The following CPQ variants were observed in gnomAD, a reference collection of about 807,000 sequenced individuals.
The protein encoded by CPQ is carboxypeptidase Q.
CPQ carries 37 observed loss-of-function variants against 45.7 expected under a neutral mutation model. That is an observed-to-expected ratio of 0.81 (90% CI 0.62 to 1.07). CPQ has a LOEUF of 1.07. CPQ is among the 50% of genes least tolerant of loss of function. The pLI, the probability that CPQ is intolerant of heterozygous loss-of-function variation, is 0.00. For synonymous variants in CPQ, 186 were observed against 205.8 expected, an observed-to-expected ratio of 0.90 and a Z score of 0.82; for missense variants, 537 against 572.9, an observed-to-expected ratio of 0.94 and a Z score of 0.64.
At chr8:96,688,113 G>T (rs1358982416) in intron 1 of CPQ, among the ~76,000 whole-genome samples, 1 of 151,570 alleles carries the variant, frequency 6.6e-6, no homozygotes, top group Non-Finnish European at 1.5e-5. Flanking sequence ...TATTGATATT[G>T]CTTCTGTATT....
At chr8:96,877,586 G>A (rs908255429) in intron 3 of CPQ, among the ~76,000 whole-genome samples, 11 of 152,200 alleles carry the variant, frequency 7.2e-5, no homozygotes, top group Admixed American at 5.9e-4. Context: ...CTAGCTCAGT[G>A]GGAAAAATTA....
chr8:96,653,850 GA>G (rs1408871220), intron 1 of CPQ, among the ~76,000 whole-genome samples: 1 of 152,154 alleles, frequency 6.6e-6, no homozygotes, highest in East Asian at 1.9e-4. Flanking sequence ...GCGAGGAGGT[GA>G]AAGGCGAGGG....
Position 96,784,805 on chromosome 8 carries a change from A to T in CPQ, c.-34-59A>T. The stretch of plus-strand genomic sequence containing the variant: ...CTGCTTGAAAAGCAATCCCTGGGTT[A>T]TGGGCAGATAGCTGTGAGATTCTTT... On this transcript the variant is annotated intron_variant, in intron 1 of 7. Coordinates refer to ENST00000220763, the MANE Select transcript of CPQ (RefSeq NM_016134.4). The T allele has an allele frequency of 2.4e-6, 3 of 1,260,968 alleles. No homozygotes were observed. In the East Asian group the frequency reaches 7.2e-5, roughly 30 times the overall value. 78.1% of individuals were successfully genotyped at this position (1,260,968 alleles called of 1,614,324 possible). A position where few individuals can be genotyped will look rare whatever the true frequency, so the allele number is the denominator to read the frequency against.
At chr8:96,855,339 C>T (rs1378807455) in intron 3 of CPQ, among the ~76,000 whole-genome samples, 2 of 152,116 alleles carry the variant, frequency 1.3e-5, no homozygotes, top group African/African-American at 4.8e-5. Flanking sequence ...AGACAACAGG[C>T]AGCTGCTGAG....
intron 3 of CPQ, among the ~76,000 whole-genome samples, chr8:96,868,661 A>G (rs1318164311): frequency 6.6e-6 from 1 of 152,002 alleles, no homozygotes; most frequent in African/African-American, 2.4e-5. Context: ...TTCATAAGGA[A>G]AAAATCCTGT....
intron 7 of CPQ, among the ~76,000 whole-genome samples, chr8:97,104,358 C>T (rs902509782): frequency 1.3e-5 from 2 of 152,020 alleles, no homozygotes; most frequent in East Asian, 1.9e-4. Context: ...ACTATAATTT[C>T]GCTCTGGCTT....
At chr8:96,963,481 A>G (rs1245485357) in intron 4 of CPQ, among the ~76,000 whole-genome samples, 1 of 152,174 alleles carries the variant, frequency 6.6e-6, no homozygotes, top group Non-Finnish European at 1.5e-5. Context: ...CTGGGTCCGT[A>G]TGTAAGTCAG....
rs1563570842 is a variant in CPQ, at chr8:97,066,117, G to A, written c.1162G>A (p.Val388Ile). ...SEKARAIMEE[V>I]MSLLQPLNIT... ...AAAGGCCAGGGCCATCATGGAGGAG[G>A]TTATGAGCCTGCTGCAGCCCCTCAA... Residue 388 changes from valine to isoleucine, a missense_variant, in exon 7 of 8, where the codon GTT becomes ATT. Physicochemically the swap from Val to Ile is conservative, Grantham distance 29. Transcript: ENST00000220763. 2 of 1,612,366 alleles carry A rather than the reference G, an allele frequency of 1.2e-6. No individual in the cohort carries two copies.
intron 4 of CPQ, among the ~76,000 whole-genome samples, chr8:96,962,885 G>C (rs529335415): frequency 1.1e-4 from 17 of 151,312 alleles, no homozygotes; most frequent in Non-Finnish European, 2.4e-4. Flanking sequence ...CTATTTCATT[G>C]TTGCCCCAGT....
intron 1 of CPQ, among the ~76,000 whole-genome samples, chr8:96,669,632 G>A (rs1350702030): frequency 6.6e-6 from 1 of 152,066 alleles, no homozygotes; most frequent in Non-Finnish European, 1.5e-5. Context: ...ATAAAATTGT[G>A]GACAAGTTCT....
intron 7 of CPQ, among the ~76,000 whole-genome samples, chr8:97,080,344 A>T (rs1211969372): frequency 5.9e-5 from 2 of 33,798 alleles, no homozygotes; most frequent in East Asian, 2.4e-3. Flanking sequence ...TTAGAGTGAC[A>T]TTTCAGTCTT....
chr8:97,017,914 C>T (rs1022737927), intron 5 of CPQ, among the ~76,000 whole-genome samples: 5 of 152,122 alleles, frequency 3.3e-5, no homozygotes, highest in African/African-American at 1.2e-4. Flanking sequence ...GTGCCACCTC[C>T]CAGCAGGAGG....
rs532584342 is a variant in CPQ, at chr8:96,740,631, C to T, written c.-34-44233C>T. ...AGATAGCTCTTATTATTTTGAGATA[C>T]GTCCCATCAATACCTAATTTATTGA... On this transcript the variant is annotated intron_variant, in intron 1 of 7. Coordinates refer to ENST00000220763, the MANE Select transcript of CPQ (RefSeq NM_016134.4). Among the ~76,000 whole-genome samples, 22 of 151,596 alleles carry T rather than the reference C, an allele frequency of 1.5e-4. No individual in the cohort carries two copies. In the East Asian group the frequency reaches 2.7e-3, roughly 19 times the overall value.
intron 5 of CPQ, among the ~76,000 whole-genome samples, chr8:96,995,095 G>A (rs1017156608): frequency 7.2e-5 from 11 of 152,054 alleles, no homozygotes; most frequent in Non-Finnish European, 1.3e-4. Context: ...AGGCTCTTAC[G>A]TCAGACTATC....
intron 2 of CPQ, among the ~76,000 whole-genome samples, chr8:96,813,744 C>T (rs1044890662): frequency 5.9e-5 from 9 of 152,180 alleles, no homozygotes; most frequent in African/African-American, 1.2e-4. Context: ...GGACTCATAA[C>T]GCCTGGTATA....
chr8:96,717,052 T>G (rs867128849), intron 1 of CPQ, among the ~76,000 whole-genome samples: 1 of 105,884 alleles, frequency 9.4e-6, no homozygotes, highest in Non-Finnish European at 1.8e-5. Context: ...TATATATATA[T>G]ATATATATAT....
chr8:97,063,292 C>G (rs909052646), intron 6 of CPQ, among the ~76,000 whole-genome samples: 8 of 152,136 alleles, frequency 5.3e-5, no homozygotes, highest in Non-Finnish European at 1.2e-4. Context: ...TGAGAAGCCT[C>G]TGTTCATGTC....
chr8:96,963,607 A>G (rs1163399127), intron 4 of CPQ, among the ~76,000 whole-genome samples: 2 of 152,174 alleles, frequency 1.3e-5, no homozygotes, highest in Non-Finnish European at 2.9e-5. Flanking sequence ...AATCATCAAG[A>G]AGATTGGTTC....
chr8:97,093,752 C>T (rs1199058224), intron 7 of CPQ, among the ~76,000 whole-genome samples: 4 of 152,124 alleles, frequency 2.6e-5, no homozygotes, highest in Non-Finnish European at 5.9e-5. Context: ...AAGGGTAGGC[C>T]TTCTGAGAGG....
Sources: allele counts gnomAD v4.1 joint callset (sites outside exome capture counted in the v4.1 genomes callset), GRCh38; gene constraint gnomAD v4.1.1; transcripts MANE v1.5; gene names NCBI Gene and HGNC (gene_info 2026-07-23, HGNC 2026-07-21).